Variants in PTPRF observed in about 807,000 individuals in gnomAD.
PTPRF encodes protein tyrosine phosphatase receptor type F.
PTPRF carries 59 observed loss-of-function variants against 201.8 expected under a neutral mutation model. That is an observed-to-expected ratio of 0.29 (90% confidence interval 0.24 to 0.36). The LOEUF (loss-of-function observed/expected upper bound fraction) is 0.36, where lower values mean the gene tolerates loss of function less well. Among genes scored for constraint, PTPRF ranks in the 10% least tolerant of loss-of-function variants. The pLI is 1.00. For synonymous variants in PTPRF, 1,088 were observed against 1,089.7 expected, an observed-to-expected ratio of 1.00 and a Z score of 0.03; for missense variants, 2,132 against 2,690.5, an observed-to-expected ratio of 0.79 and a Z score of 4.59.
chr1:43,540,011 C>T (rs1291001467), intron 2 of PTPRF, among the ~76,000 whole-genome samples: 2 of 151,970 alleles, frequency 1.3e-5, no homozygotes, highest in South Asian at 2.1e-4. Context: ...GGGCAGGGGC[C>T]AGGTCAGGCT....
rs1659314965 is a variant in PTPRF at position 43,621,927 on chromosome 1, C to T, written c.5656-8C>T. 1 of 1,613,966 alleles carries T rather than the reference C, an allele frequency of 6.2e-7. No individual in the cohort carries two copies. The highest frequency in any genetic ancestry group is 1.3e-5 in the African/African-American group (1 of 74,936). On this transcript the variant is annotated splice_polypyrimidine_tract_variant and splice_region_variant and intron_variant, in intron 33 of 33. Coordinates refer to ENST00000359947, the MANE Select transcript of PTPRF (RefSeq NM_002840.5). Reference sequence around the variant, plus strand: ...CGACCCACACTGACCAGCCCCCTATCCTGGCAGGACCAGTATCAGCTGTGC... The same window carrying T: ...CGACCCACACTGACCAGCCCCCTATTCTGGCAGGACCAGTATCAGCTGTGC...
chr1:43,604,854 ACC>A, intron 16 of PTPRF, 47 bp from the exon 17 acceptor site: 1 of 1,526,908 alleles, frequency 6.5e-7, no homozygotes, highest in East Asian at 2.3e-5. Flanking sequence ...CAGCCCATTC[ACC>A]CCACCTCATA....
chr1:43,609,889 C>T (rs1432396118), intron 22 of PTPRF, among the ~76,000 whole-genome samples: 1 of 152,234 alleles, frequency 6.6e-6, no homozygotes, highest in Non-Finnish European at 1.5e-5. Context: ...GGAGATGCCT[C>T]ACCAGACATC....
intron 21 of PTPRF, among the ~76,000 whole-genome samples, chr1:43,607,894 C>G (rs191426165): frequency 6.6e-6 from 1 of 152,252 alleles, no homozygotes; most frequent in Non-Finnish European, 1.5e-5. Context: ...CCACTGCAAA[C>G]GCAGCTGGGC....
At chr1:43,555,316 ATG>A (rs61442919) in intron 5 of PTPRF, among the ~76,000 whole-genome samples, 2 of 151,512 alleles carry the variant, frequency 1.3e-5, no homozygotes, top group African/African-American at 4.9e-5. Context: ...ATACATATAT[ATG>A]TGTGTGTGTG....
chr1:43,600,478 G>A (rs1653481689), intron 13 of PTPRF, among the ~76,000 whole-genome samples: 1 of 150,958 alleles, frequency 6.6e-6, no homozygotes. Flanking sequence ...CTCAGGACTG[G>A]GTCATTCTGT....
rs548190000 is a variant in PTPRF at position 43,581,694 on chromosome 1, T to C, written c.679+2774T>C. 1.2e-4 allele frequency among the ~76,000 whole-genome samples: 19 copies of C among 152,360 alleles called. No homozygotes were observed. The East Asian group carries it at 1.4e-3, about 11-fold the overall frequency. On this transcript the variant is annotated intron_variant, in intron 7 of 33. Coordinates refer to ENST00000359947, the MANE Select transcript of PTPRF (RefSeq NM_002840.5). ...ACCACCAGCTCTGCATCCTGAGCCC[T>C]GCTTGTGGGTGGATGGCCGTGGAGG...
chr1:43,527,344 C>T (rs1042651837), upstream of PTPRF, among the ~76,000 whole-genome samples: 1 of 152,242 alleles, frequency 6.6e-6, no homozygotes, highest in Non-Finnish European at 1.5e-5. Context: ...TGGACAGAGC[C>T]TTGGCTCTTC....
At chr1:43,575,111 T>C (rs1646835614) in intron 6 of PTPRF, among the ~76,000 whole-genome samples, 1 of 152,180 alleles carries the variant, frequency 6.6e-6, no homozygotes, top group Non-Finnish European at 1.5e-5. Context: ...AAGGCAGTGG[T>C]TGCACAGGGG....
chr1:43,618,193 C>T (rs996306133), intron 25 of PTPRF, among the ~76,000 whole-genome samples: 13 of 152,140 alleles, frequency 8.5e-5, no homozygotes, highest in African/African-American at 2.4e-4. Flanking sequence ...GGCGTGTTCC[C>T]GGGGTATTCA....
rs1065771 is a variant in PTPRF, at chr1:43,569,681, C to T, written c.471C>T (p.Ala157=). The T allele has an allele frequency of 0.3, 479,415 of 1,613,450 alleles. 74,235 individuals are homozygous for T. Among genetic ancestry groups the T allele is most frequent in the Non-Finnish European group, 0.31 (371,323 of 1,179,632 alleles). Residue 157 remains alanine, a synonymous_variant, in exon 6 of 34, where the codon GCC becomes GCT. Coordinates refer to ENST00000359947, the MANE Select transcript of PTPRF (RefSeq NM_002840.5). ...CACGCACAGCCACCATGCTATGTGC[C>T]GCAGGCGGAAATCCAGACCCTGAGA... ...EKARTATMLC[A]AGGNPDPEIS...
chr1:43,522,273 G>A (rs568932207), upstream of PTPRF, among the ~76,000 whole-genome samples: 1 of 152,316 alleles, frequency 6.6e-6, no homozygotes, highest in Admixed American at 6.5e-5. Context: ...AGAGCTCCAG[G>A]TGCCATAGGA....
chr1:43,620,739 C>T, intron 31 of PTPRF, 99 bp from the exon 32 acceptor site: 1 of 1,531,086 alleles, frequency 6.5e-7, no homozygotes, highest in South Asian at 1.2e-5. Context: ...TGCAGTGACA[C>T]AGATGCATGC....
chr1:43,604,833 T>C, intron 16 of PTPRF, 70 bp from the exon 17 acceptor site: 1 of 1,338,378 alleles, frequency 7.5e-7, no homozygotes. Flanking sequence ...GCCATTCACC[T>C]TCCACCCTTC....
intron 6 of PTPRF, among the ~76,000 whole-genome samples, chr1:43,574,405 G>A (rs1646787976): frequency 6.6e-6 from 1 of 151,944 alleles, no homozygotes; most frequent in South Asian, 2.1e-4. Flanking sequence ...TTATATATTA[G>A]CATAAATAAC....
chr1:43,621,358 C>G (rs1659176507), intron 33 of PTPRF, 126 bp downstream of exon 33: 1 of 1,276,630 alleles, frequency 7.8e-7, no homozygotes, highest in Non-Finnish European at 1.1e-6. Context: ...TTCACGTGGC[C>G]TGCGATAGGC....
At chr1:43,575,793 A>G (rs1473218070) in intron 6 of PTPRF, 1 of 901,086 alleles carries the variant, frequency 1.1e-6, no homozygotes, top group African/African-American at 1.7e-5. Context: ...CAATTTCTCC[A>G]TGTATTTAAG....
rs146850378 is a variant in PTPRF at position 43,536,484 on chromosome 1, G to A, written c.-125-1714G>A. Among the ~76,000 whole-genome samples, 460 of 152,264 alleles carry A rather than the reference G, an allele frequency of 3.0e-3. 1 individual carries two copies. The highest frequency in any genetic ancestry group is 0.01 in the African/African-American group (417 of 41,550). On this transcript the variant is annotated intron_variant, in intron 1 of 33. Transcript: ENST00000359947. ...AGGGCCTGTCTCAGTCTCCAAGCAC[G>A]AGACCCTGCTGTGGCTGGGTGTGGC...
At position 43,619,106 on chromosome 1, in the gene PTPRF, A is replaced by G. The variant is rs1032025108; in HGVS notation, c.4550A>G (p.His1517Arg). The stretch of plus-strand genomic sequence containing the variant: ...TTTCAGTTCATGGCCTGGCCAGACC[A>G]TGGAGTTCCTGAGTACCCAACTCCC... ...RQFQFMAWPD[H>R]GVPEYPTPIL... The change falls in exon 27 of 34, where the codon CAT becomes CGT. Residue 1517 changes from histidine to arginine, a missense_variant. Around this residue, in one of 6 missense-constraint regions of PTPRF, gnomAD observed 519 missense variants for 659.5 expected, o/e 0.79. Transcript: ENST00000359947. 15 of 1,613,878 alleles carry G rather than the reference A, an allele frequency of 9.3e-6. No individual in the cohort carries two copies. Among genetic ancestry groups the G allele is most frequent in the Non-Finnish European group, 1.3e-5 (15 of 1,179,984 alleles).
Sources: gnomAD v4.1 joint callset for allele counts (sites outside exome capture counted in the v4.1 genomes callset) on GRCh38, gnomAD v4.1.1 for gene constraint, gnomAD v4.1.1 regional missense constraint, MANE v1.5 for transcripts, NCBI Gene and HGNC (gene_info 2026-07-23, HGNC 2026-07-21) for gene names.